Variants in NEBL observed in about 807,000 individuals in gnomAD.
NEBL encodes nebulette, also known as LIM and SH3 protein 2.
NEBL carries 122 observed loss-of-function variants against 140.2 expected under a neutral mutation model. The observed-to-expected ratio is 0.87, with a 90% CI of 0.75 to 1.01. The LOEUF (loss-of-function observed/expected upper bound fraction) is 1.01, where lower values mean the gene tolerates loss of function less well. Ranked by LOEUF, NEBL falls within the 50% of genes least tolerant of loss-of-function variation. The probability of loss-of-function intolerance (pLI) is 0.00; values close to 1 mark genes in which losing one functional copy is unlikely to be tolerated. For synonymous variants in NEBL, 436 were observed against 398.9 expected (o/e 1.09, Z -1.11); for missense variants, 1,365 against 1,231.3 (o/e 1.11, Z -1.62).
chr10:21,268,390 G>A (rs1214921053), intron 1 of NEBL, among the ~76,000 whole-genome samples: 1 of 152,186 alleles, frequency 6.6e-6, no homozygotes, highest in Non-Finnish European at 1.5e-5. Context: ...GGCTAAGGCA[G>A]GAGGATCGCC....
chr10:21,254,707 C>T (rs1842632373), intron 1 of NEBL, among the ~76,000 whole-genome samples: 1 of 152,206 alleles, frequency 6.6e-6, no homozygotes, highest in Non-Finnish European at 1.5e-5. Context: ...TGGCCAGGCA[C>T]AAATGGACAG....
chr10:20,902,875 T>C (rs1258676907), intron 4 of NEBL, among the ~76,000 whole-genome samples: 1 of 152,192 alleles, frequency 6.6e-6, no homozygotes, highest in Non-Finnish European at 1.5e-5. Flanking sequence ...TAGAGTTTTA[T>C]GTGAGATGTG....
chr10:21,148,141 A>T (rs1839980501), intron 2 of NEBL, among the ~76,000 whole-genome samples: 1 of 152,238 alleles, frequency 6.6e-6, no homozygotes, highest in Non-Finnish European at 1.5e-5. Flanking sequence ...ACAAAAAGTC[A>T]TCAACAAGAC....
chr10:20,791,209 T>C (rs1835937421), intron 26 of NEBL, among the ~76,000 whole-genome samples: 1 of 152,208 alleles, frequency 6.6e-6, no homozygotes, highest in African/African-American at 2.4e-5. Context: ...TCAGGCTCTA[T>C]ATGGAATATT....
intron 2 of NEBL, among the ~76,000 whole-genome samples, chr10:20,895,267 T>C (rs1299792532): frequency 6.6e-6 from 1 of 152,194 alleles, no homozygotes; most frequent in African/African-American, 2.4e-5. Context: ...ATATCAAAGC[T>C]GGAAGAGGTT....
At position 20,809,735 on chromosome 10, in the gene NEBL, T is replaced by C. The variant is rs149655456; in HGVS notation, c.2611+71A>G. ...TTTACATTACACAGTACAATGAACCTCTACAGTTCACAGTGGTTCACTTTT... is the reference window on the plus strand; with the variant it reads ...TTTACATTACACAGTACAATGAACCCCTACAGTTCACAGTGGTTCACTTTT... On this transcript the variant is annotated intron_variant, in intron 25 of 27. Transcript: ENST00000377122. 2.5e-6 allele frequency: 3 copies of C among 1,200,056 alleles called. No homozygotes were observed. The African/African-American group carries it at 4.5e-5, about 18-fold the overall frequency. The allele number at this position is 1,200,056 out of a possible 1,614,324, so 74.3% of individuals were successfully genotyped here.
At position 21,024,338 on chromosome 10, in the gene NEBL, G is replaced by C. The variant is rs574576779; in HGVS notation, c.165-4137C>G. 5.9e-5 allele frequency among the ~76,000 whole-genome samples: 9 copies of C among 152,212 alleles called. No homozygotes were observed. The East Asian group carries it at 1.7e-3, about 29-fold the overall frequency. On this transcript the variant is annotated intron_variant, in intron 2 of 6. Transcript: ENST00000417816. ...AACTATCCAAAATCTTGATGTAGGA[G>C]AGAAAAAGTTCAATTTAGTATTAGT...
chr10:20,797,800 C>T (rs546831574), intron 26 of NEBL, among the ~76,000 whole-genome samples: 2 of 151,996 alleles, frequency 1.3e-5, no homozygotes, highest in African/African-American at 4.8e-5. Flanking sequence ...AGAATAAGAT[C>T]AAGGACCAGA....
chr10:21,133,322 G>A (rs2132075418), intron 2 of NEBL, among the ~76,000 whole-genome samples: 1 of 152,290 alleles, frequency 6.6e-6, no homozygotes, highest in East Asian at 1.9e-4. Context: ...TCACGAAAGG[G>A]AAAATGTACT....
At chr10:20,857,720 C>G (rs1843224704) in intron 9 of NEBL, among the ~76,000 whole-genome samples, 1 of 152,108 alleles carries the variant, frequency 6.6e-6, no homozygotes, top group South Asian at 2.1e-4. Flanking sequence ...AAGAACTCAC[C>G]TTTCTCTTCT....
At chr10:20,789,953 G>GTGTATA (rs1564326047) in intron 26 of NEBL, among the ~76,000 whole-genome samples, 1 of 146,432 alleles carries the variant, frequency 6.8e-6, no homozygotes, top group African/African-American at 2.5e-5. Context: ...ATATGTGTGT[G>GTGTATA]TATATATATA....
At position 20,835,611 on chromosome 10, in the gene NEBL, T is replaced by C; in HGVS notation, c.1351A>G (p.Lys451Glu). The C allele has an allele frequency of 1.2e-6, 2 of 1,607,156 alleles. No homozygotes were observed. The highest frequency in any genetic ancestry group is 1.7e-6 in the Non-Finnish European group (2 of 1,175,870). Residue 451 changes from lysine to glutamate, a missense_variant, in exon 14 of 28, where the codon AAA becomes GAA. Physicochemically the swap from Lys to Glu is moderately conservative, Grantham distance 56 (BLOSUM62 1). Transcript: ENST00000377122. ...SEMASEKEYK[K>E]DLESIIKGKG... is the part of the protein sequence containing the mutation. ...CCTTTAATTATTGACTCCAGGTCTT[T>C]CTTGTATTCTTTCTGCAAAAGACAA...
At chr10:20,947,659 C>CATTG (rs1048030119) in intron 4 of NEBL, among the ~76,000 whole-genome samples, 9 of 150,934 alleles carry the variant, frequency 6.0e-5, no homozygotes, top group Admixed American at 2.7e-4. Flanking sequence ...AAATCACAGC[C>CATTG]ATTGACATTT....
chr10:21,208,586 A>G (rs1015750647), intron 3 of NEBL, among the ~76,000 whole-genome samples: 1 of 152,232 alleles, frequency 6.6e-6, no homozygotes, highest in Non-Finnish European at 1.5e-5. Context: ...CTCATGTTAC[A>G]GAACAGTGAG....
At chr10:20,997,275 C>A (rs955283603) in intron 3 of NEBL, among the ~76,000 whole-genome samples, 3 of 151,962 alleles carry the variant, frequency 2.0e-5, no homozygotes, top group African/African-American at 7.2e-5. Context: ...CCTGCCCTCT[C>A]AATCTCTGAC....
intron 24 of NEBL, 105 bp downstream of exon 24, chr10:20,812,664 C>A: frequency 7.1e-7 from 1 of 1,403,354 alleles, no homozygotes; most frequent in Non-Finnish European, 1.0e-6. Context: ...GTACCACAAC[C>A]AACATGTGAT....
intron 4 of NEBL, among the ~76,000 whole-genome samples, chr10:20,933,136 C>A (rs1481660588): frequency 6.6e-6 from 1 of 152,092 alleles, no homozygotes; most frequent in African/African-American, 2.4e-5. Context: ...TGGGCATGAA[C>A]TGGGGATCCC....
intron 2 of NEBL, among the ~76,000 whole-genome samples, chr10:21,115,600 C>T (rs532265120): frequency 1.3e-5 from 2 of 152,084 alleles, no homozygotes; most frequent in South Asian, 4.2e-4. Flanking sequence ...TTGTTTCCAA[C>T]AAGGAGTTCG....
intron 2 of NEBL, chr10:21,126,126 A>C: frequency 2.5e-6 from 4 of 1,605,120 alleles, no homozygotes; most frequent in Non-Finnish European, 3.4e-6. Flanking sequence ...TACCAGGCCT[A>C]TGGGATAAAG....
Sources: allele counts gnomAD v4.1 joint callset (sites outside exome capture counted in the v4.1 genomes callset), GRCh38; gene constraint gnomAD v4.1.1; transcripts MANE v1.5; gene names NCBI Gene and HGNC (gene_info 2026-07-23, HGNC 2026-07-21).